PRICKLE1: variants seen among roughly 807,000 people sequenced by gnomAD.
The protein encoded by PRICKLE1 is prickle planar cell polarity protein 1, also known as prickle-like protein 1.
Under a neutral mutation model 70.2 loss-of-function variants are expected in PRICKLE1, and 14 were observed. The observed-to-expected ratio is 0.20, with a 90% confidence interval of 0.13 to 0.31. PRICKLE1 has a LOEUF of 0.31. Ranked by LOEUF, PRICKLE1 falls within the 10% of genes least tolerant of loss-of-function variation. PRICKLE1 has a pLI of 1.00. For synonymous variants in PRICKLE1, 357 were observed against 379.9 expected (o/e 0.94, Z 0.70); for missense variants, 821 against 1,026.2 (o/e 0.80, Z 2.73).
intron 1 of PRICKLE1, chr12:42,485,265 TTTTTG>T (rs1938962773): frequency 6.8e-5 from 8 of 118,476 alleles, no homozygotes; most frequent in East Asian, 4.9e-4. Flanking sequence ...TTTTTTTTTT[TTTTTG>T]TTACTCTCTT....
At chr12:42,553,877 C>T (rs1433372914) in intron 1 of PRICKLE1, among the ~76,000 whole-genome samples, 7 of 152,154 alleles carry the variant, frequency 4.6e-5, no homozygotes, top group South Asian at 4.2e-4. Context: ...CTGAGACGGG[C>T]GGATCACCTG....
chr12:42,569,682 A>G (rs533266536), intron 1 of PRICKLE1, among the ~76,000 whole-genome samples: 1 of 152,346 alleles, frequency 6.6e-6, no homozygotes, highest in Non-Finnish European at 1.5e-5. Context: ...GTAGTCATTT[A>G]TCTTCCTTTG....
At chr12:42,556,873 C>A (rs1346240668) in intron 1 of PRICKLE1, among the ~76,000 whole-genome samples, 1 of 152,166 alleles carries the variant, frequency 6.6e-6, no homozygotes, top group East Asian at 1.9e-4. Context: ...TTTCTGAGCA[C>A]CTACAATGTG....
In PRICKLE1 at chr12:42,519,193, C is replaced by CTTTTTTTTTTTTTT. The variant is rs11342397; in HGVS notation, c.-48-46643_-48-46630dup. On this transcript the variant is annotated intron_variant, in intron 1 of 7. Coordinates refer to ENST00000345127, the MANE Select transcript of PRICKLE1 (RefSeq NM_153026.3). The stretch of plus-strand genomic sequence containing the variant: ...TACTGAATTTCCTTTCCTTTTTTTC[C>CTTTTTTTTTTTTTT]TTTTTTTTTTTTTTTTTTTTGAGAT... 3.2e-4 allele frequency among the ~76,000 whole-genome samples: 32 copies of CTTTTTTTTTTTTTT among 99,206 alleles called. 2 individuals are homozygous for CTTTTTTTTTTTTTT. The highest frequency in any genetic ancestry group is 1.6e-3 in the East Asian group (5 of 3,100). 65.1% of individuals were successfully genotyped at this position (99,206 alleles called of 152,430 possible).
chr12:42,543,352 A>G (rs1371583683), intron 1 of PRICKLE1, among the ~76,000 whole-genome samples: 1 of 148,478 alleles, frequency 6.7e-6, no homozygotes, highest in Non-Finnish European at 1.5e-5. Flanking sequence ...AGCAGCCACA[A>G]ATTCATGTAT....
At chr12:42,484,236 C>G (rs1385328849) in intron 1 of PRICKLE1, 1 of 151,370 alleles carries the variant, frequency 6.6e-6, no homozygotes, top group Non-Finnish European at 1.5e-5. Context: ...CGAAAAGTTA[C>G]CCACCCCCTT....
At position 42,498,110 on chromosome 12, in the gene PRICKLE1, A is replaced by G. The variant is rs116282139; in HGVS notation, c.-48-25546T>C. 5.0e-3 allele frequency among the ~76,000 whole-genome samples: 259 copies of G among 52,184 alleles called. 3 individuals are homozygous for G. Among genetic ancestry groups the G allele is most frequent in the African/African-American group, 0.017 (255 of 14,866 alleles). The allele number at this position is 52,184 out of a possible 152,430, so 34.2% of individuals were successfully genotyped here. A position where few individuals can be genotyped will look rare whatever the true frequency, so the allele number is the denominator to read the frequency against. On this transcript the variant is annotated intron_variant, in intron 1 of 7. Transcript: ENST00000345127. Reference sequence around the variant, plus strand: ...AGCGATCTCTAGCATCAGCCTCCCAAAGTGTTGGGATTATAGTGTGAGCCT... The same window carrying G: ...AGCGATCTCTAGCATCAGCCTCCCAGAGTGTTGGGATTATAGTGTGAGCCT...
intron 1 of PRICKLE1, among the ~76,000 whole-genome samples, chr12:42,508,628 G>T (rs1033300429): frequency 1.3e-5 from 2 of 152,122 alleles, no homozygotes; most frequent in African/African-American, 4.8e-5. Context: ...TATATGAAAA[G>T]AAATTTGCTT....
intron 1 of PRICKLE1, among the ~76,000 whole-genome samples, chr12:42,473,656 T>C (rs1056072263): frequency 2.6e-5 from 4 of 152,128 alleles, no homozygotes; most frequent in Non-Finnish European, 5.9e-5. Context: ...AAGAAAATTA[T>C]AGATAATTAT....
chr12:42,513,722 G>A (rs1376446999), intron 1 of PRICKLE1, among the ~76,000 whole-genome samples: 1 of 152,100 alleles, frequency 6.6e-6, no homozygotes, highest in Non-Finnish European at 1.5e-5. Flanking sequence ...GCTGGGTGCA[G>A]CCTATTATAT....
chr12:42,509,864 G>A (rs1223938696), intron 1 of PRICKLE1, among the ~76,000 whole-genome samples: 1 of 151,854 alleles, frequency 6.6e-6, no homozygotes, highest in Non-Finnish European at 1.5e-5. Context: ...CATGAGGCCA[G>A]GAGTTCGAGA....
intron 1 of PRICKLE1, among the ~76,000 whole-genome samples, chr12:42,562,745 T>C (rs2120711866): frequency 6.6e-6 from 1 of 152,232 alleles, no homozygotes; most frequent in East Asian, 1.9e-4. Context: ...GTGGCTTCAA[T>C]ATCCTAAATC....
chr12:42,518,443 T>C (rs1409098042), intron 1 of PRICKLE1, among the ~76,000 whole-genome samples: 2 of 152,210 alleles, frequency 1.3e-5, no homozygotes, highest in Non-Finnish European at 2.9e-5. Flanking sequence ...TGAAGTATCT[T>C]TCCCTAATAA....
At chr12:42,517,810 C>G (rs1939637535) in intron 1 of PRICKLE1, among the ~76,000 whole-genome samples, 1 of 151,988 alleles carries the variant, frequency 6.6e-6, no homozygotes, top group Non-Finnish European at 1.5e-5. Context: ...AAATAATTAA[C>G]TGGGTACTTA....
chr12:42,517,306 A>ATTTTTTTTTT (rs71794718), intron 1 of PRICKLE1, among the ~76,000 whole-genome samples: 6 of 88,956 alleles, frequency 6.7e-5, no homozygotes, highest in Admixed American at 1.6e-4. Context: ...TCAGTCTGCC[A>ATTTTTTTTTT]TTTTTTTTTT....
chr12:42,582,005 G>T (rs1451456656), intron 1 of PRICKLE1, among the ~76,000 whole-genome samples: 1 of 152,038 alleles, frequency 6.6e-6, no homozygotes, highest in Non-Finnish European at 1.5e-5. Context: ...TGATTTTTCT[G>T]ATTTATTCCC....
chr12:42,562,776 T>C (rs963442740), intron 1 of PRICKLE1, among the ~76,000 whole-genome samples: 29 of 152,030 alleles, frequency 1.9e-4, no homozygotes, highest in African/African-American at 6.8e-4. Context: ...AAGAAAAAAA[T>C]TGTATAACAG....
Position 42,465,937 on chromosome 12 carries a change from C to T in PRICKLE1, c.775+257G>A, listed in dbSNP as rs12229266. On this transcript the variant is annotated intron_variant, in intron 6 of 7. Transcript: ENST00000345127. ...CTCACAGGAACCTAACCCTGTATTC[C>T]CCCATGAGCAATGGTTCAGTGTTCA... 0.34 allele frequency: 184,620 copies of T among 539,344 alleles called. 33,244 individuals carry two copies. Among genetic ancestry groups the T allele is most frequent in the Non-Finnish European group, 0.38 (113,857 of 300,686 alleles). The allele number at this position is 539,344 out of a possible 1,614,324, so 33.4% of individuals were successfully genotyped here.
rs144788937 is a variant in PRICKLE1, at chr12:42,546,063, A to T, written c.-49+43402T>A. On this transcript the variant is annotated intron_variant, in intron 1 of 7. Coordinates refer to ENST00000345127, the MANE Select transcript of PRICKLE1 (RefSeq NM_153026.3). ...CTTTCATAAACACTGACGAACAAAC[A>T]TGCCAGAAAATATATAGGAGATCTT... Among the ~76,000 whole-genome samples the T allele has an allele frequency of 2.6e-5, 4 of 152,264 alleles. No individual in the cohort carries two copies. The East Asian group carries it at 7.7e-4, about 29-fold the overall frequency.
Sources: allele counts gnomAD v4.1 joint callset (sites outside exome capture counted in the v4.1 genomes callset), GRCh38; gene constraint gnomAD v4.1.1; transcripts MANE v1.5; gene names NCBI Gene and HGNC (gene_info 2026-07-23, HGNC 2026-07-21).